PPFIA2: variants seen among roughly 807,000 people sequenced by gnomAD.
The protein encoded by PPFIA2 is liprin-alpha-2.
PPFIA2 carries 46 observed loss-of-function variants against 175.5 expected under a neutral mutation model. The ratio of observed to expected loss-of-function variants is 0.26; its 90% confidence interval spans 0.21 to 0.34. The LOEUF (loss-of-function observed/expected upper bound fraction) is 0.34, where lower values mean the gene tolerates loss of function less well. PPFIA2 is among the 10% of genes least tolerant of loss of function. The pLI, the probability that PPFIA2 is intolerant of heterozygous loss-of-function variation, is 1.00. For synonymous variants in PPFIA2, 568 were observed against 511.4 expected (o/e 1.11, Z -1.49); for missense variants, 1,179 against 1,506.1 (o/e 0.78, Z 3.60).
At chr12:81,571,184 G>A (rs1299297232) in intron 4 of PPFIA2, among the ~76,000 whole-genome samples, 6 of 151,856 alleles carry the variant, frequency 4.0e-5, no homozygotes, top group African/African-American at 9.7e-5. Context: ...AATTTCTTGC[G>A]TAAAATGCTT....
At chr12:81,334,489 CAA>C (rs34576372) in intron 21 of PPFIA2, among the ~76,000 whole-genome samples, 48,694 of 145,778 alleles carry the variant, frequency 0.33, 8,706 homozygotes, top group East Asian at 0.54. Context: ...CTCCCTCCAC[CAA>C]AAAAAAAAAA....
intron 3 of PPFIA2, among the ~76,000 whole-genome samples, chr12:81,743,436 A>C (rs1281216125): frequency 1.3e-5 from 2 of 148,966 alleles, no homozygotes; most frequent in Admixed American, 6.7e-5. Flanking sequence ...AAAAAAAAAA[A>C]AAAAAAAAAC....
chr12:81,733,972 C>T (rs996063871), intron 3 of PPFIA2, among the ~76,000 whole-genome samples: 6 of 151,718 alleles, frequency 4.0e-5, no homozygotes, highest in African/African-American at 1.5e-4. Context: ...GTGCCTGCTA[C>T]ACACATATTT....
chr12:81,406,668 AAT>A (rs113507012), intron 7 of PPFIA2, among the ~76,000 whole-genome samples: 165 of 149,714 alleles, frequency 1.1e-3, no homozygotes, highest in African/African-American at 2.9e-3. Context: ...ACATTTGCTA[AAT>A]ATATATATAT....
intron 4 of PPFIA2, among the ~76,000 whole-genome samples, chr12:81,581,997 C>T (rs997349161): frequency 2.0e-5 from 3 of 151,860 alleles, no homozygotes; most frequent in Admixed American, 1.3e-4. Context: ...TGCATATTAA[C>T]GTTTCAAGTT....
chr12:81,612,579 G>A (rs948079906), intron 4 of PPFIA2, among the ~76,000 whole-genome samples: 1 of 152,156 alleles, frequency 6.6e-6, no homozygotes, highest in African/African-American at 2.4e-5. Flanking sequence ...CATTCATTGA[G>A]GATGTCACAC....
At chr12:81,556,137 T>A (rs1394450625) in intron 4 of PPFIA2, among the ~76,000 whole-genome samples, 2 of 152,006 alleles carry the variant, frequency 1.3e-5, no homozygotes, top group East Asian at 3.9e-4. Flanking sequence ...CTGTAAATAC[T>A]GTGTGTTATA....
Position 81,307,301 on chromosome 12 carries a change from G to T in PPFIA2, c.2643-7919C>A, listed in dbSNP as rs576226716. Among the ~76,000 whole-genome samples the T allele has an allele frequency of 1.1e-3, 161 of 151,954 alleles. 1 individual carries two copies. The highest frequency in any genetic ancestry group is 3.7e-3 in the African/African-American group (152 of 41,286). On this transcript the variant is annotated intron_variant, in intron 22 of 32. Coordinates refer to ENST00000549396, the MANE Select transcript of PPFIA2 (RefSeq NM_003625.5). ...GGAAATAAGAGTTTGTTCTTCAACC[G>T]TATCATGCATCTTTCTCTGGATGTT...
intron 3 of PPFIA2, among the ~76,000 whole-genome samples, chr12:81,686,451 C>T (rs1387854498): frequency 6.6e-6 from 1 of 152,076 alleles, no homozygotes; most frequent in African/African-American, 2.4e-5. Context: ...TCAGGTTCTA[C>T]ATTTTCCACT....
At chr12:81,681,488 G>C (rs2073620994) in intron 3 of PPFIA2, among the ~76,000 whole-genome samples, 1 of 151,978 alleles carries the variant, frequency 6.6e-6, no homozygotes, top group African/African-American at 2.4e-5. Context: ...GCTCTAAGTA[G>C]AGTGAGACTT....
chr12:81,274,672 G>A (rs1004067313), intron 28 of PPFIA2, among the ~76,000 whole-genome samples: 1 of 152,154 alleles, frequency 6.6e-6, no homozygotes, highest in Non-Finnish European at 1.5e-5. Flanking sequence ...TTAAATGTTA[G>A]TAGGTTCTTG....
intron 3 of PPFIA2, among the ~76,000 whole-genome samples, chr12:81,706,938 T>C (rs1345666341): frequency 6.6e-6 from 1 of 152,116 alleles, no homozygotes; most frequent in Admixed American, 6.5e-5. Flanking sequence ...CCCTATTTAA[T>C]AAATGGTGCT....
chr12:81,495,505 T>C (rs1469344597), intron 4 of PPFIA2, among the ~76,000 whole-genome samples: 2 of 152,116 alleles, frequency 1.3e-5, no homozygotes, highest in Non-Finnish European at 2.9e-5. Flanking sequence ...TTAAATACTT[T>C]GATTTTAAAA....
intron 3 of PPFIA2, among the ~76,000 whole-genome samples, chr12:81,715,388 C>A (rs2078473807): frequency 6.6e-6 from 1 of 151,630 alleles, no homozygotes; most frequent in African/African-American, 2.4e-5. Context: ...TGTGCTTGTG[C>A]TCTATGGTTT....
At chr12:81,308,435 C>T (rs1410169680) in intron 22 of PPFIA2, among the ~76,000 whole-genome samples, 1 of 152,040 alleles carries the variant, frequency 6.6e-6, no homozygotes, top group Non-Finnish European at 1.5e-5. Flanking sequence ...GTCATGGAAC[C>T]GTCGAGGTGC....
intron 4 of PPFIA2, among the ~76,000 whole-genome samples, chr12:81,585,486 T>C (rs1484685369): frequency 6.6e-6 from 1 of 151,928 alleles, no homozygotes. Flanking sequence ...ATAAGCTTCT[T>C]TTCTATTTGA....
At chr12:81,426,663 C>CTTAT (rs144612518) in intron 7 of PPFIA2, among the ~76,000 whole-genome samples, 5,090 of 151,762 alleles carry the variant, frequency 0.034, 191 homozygotes, top group African/African-American at 0.081. Context: ...TTTCATCCAT[C>CTTAT]TTATTTATTT....
chr12:81,418,043 A>G (rs1442111321), intron 7 of PPFIA2, among the ~76,000 whole-genome samples: 1 of 151,886 alleles, frequency 6.6e-6, no homozygotes, highest in East Asian at 1.9e-4. Flanking sequence ...CGTTGTTTGA[A>G]TGTATTAATT....
At chr12:81,279,393 A>G (rs1024700746) in intron 27 of PPFIA2, 2 of 152,116 alleles carry the variant, frequency 1.3e-5, no homozygotes, top group Non-Finnish European at 2.9e-5. Context: ...GATATACTAG[A>G]TAATACTGAT....
Sources: allele counts gnomAD v4.1 joint callset (sites outside exome capture counted in the v4.1 genomes callset), GRCh38; gene constraint gnomAD v4.1.1; transcripts MANE v1.5; gene names NCBI Gene and HGNC (gene_info 2026-07-23, HGNC 2026-07-21).